CYP3A4: variants seen among roughly 807,000 people sequenced by gnomAD.
CYP3A4 encodes the protein cytochrome P450 3A4.
Under a neutral mutation model 54.9 loss-of-function variants are expected in CYP3A4, and 41 were observed. That is an observed-to-expected ratio of 0.75 (90% CI 0.58 to 0.97). CYP3A4 has a LOEUF of 0.97. Ranked by LOEUF, CYP3A4 falls within the 50% of genes least tolerant of loss-of-function variation. The probability of loss-of-function intolerance (pLI) is 0.00; values close to 1 mark genes in which losing one functional copy is unlikely to be tolerated. For missense variants in CYP3A4, 510 were observed against 597.3 expected (o/e 0.85, Z 1.52); for synonymous variants, 179 against 205.2 (o/e 0.87, Z 1.09).
intron 6 of CYP3A4, chr7:99,769,511 C>G (rs1197188235): frequency 2.1e-6 from 1 of 487,020 alleles, no homozygotes; most frequent in Non-Finnish European, 3.7e-6. Context: ...ATTTAGTCTT[C>G]TAGAATATCC....
Position 99,783,980 on chromosome 7 carries a change from A to G in CYP3A4, c.71+31T>C, listed in dbSNP as rs373014415. Reference sequence around the variant, plus strand: ...TGATTAGCACCCCAAGTCCAAGGAAACAGAGAAGAGGAGCCTGGACAGTTA... The same window carrying G: ...TGATTAGCACCCCAAGTCCAAGGAAGCAGAGAAGAGGAGCCTGGACAGTTA... On this transcript the variant is annotated intron_variant, in intron 1 of 12. Transcript: ENST00000651514. 4.8e-5 allele frequency: 77 copies of G among 1,607,872 alleles called. No individual in the cohort carries two copies. In the Middle Eastern group the frequency reaches 6.6e-4, roughly 14 times the overall value.
chr7:99,780,715 T>G (rs568844003), intron 1 of CYP3A4, among the ~76,000 whole-genome samples: 4 of 152,220 alleles, frequency 2.6e-5, no homozygotes, highest in Non-Finnish European at 5.9e-5. Context: ...GATTGACAAC[T>G]GTGCTCAAGG....
At chr7:99,775,969 C>T (rs948041236) in intron 3 of CYP3A4, among the ~76,000 whole-genome samples, 1 of 152,154 alleles carries the variant, frequency 6.6e-6, no homozygotes, top group African/African-American at 2.4e-5. Flanking sequence ...CATCCAGAAT[C>T]TACAAAGAAC....
chr7:99,765,055 A>T (rs1250089980), intron 9 of CYP3A4, among the ~76,000 whole-genome samples: 1 of 149,654 alleles, frequency 6.7e-6, no homozygotes, highest in African/African-American at 2.5e-5. Context: ...CAGAGCTGTG[A>T]TTTACCAGTG....
intron 3 of CYP3A4, among the ~76,000 whole-genome samples, chr7:99,773,083 C>G (rs1343183610): frequency 6.6e-6 from 1 of 151,940 alleles, no homozygotes; most frequent in East Asian, 1.9e-4. Context: ...CAACAAAGAT[C>G]AAAAGAGACA....
intron 3 of CYP3A4, among the ~76,000 whole-genome samples, chr7:99,774,309 A>G (rs1233620268): frequency 1.3e-5 from 2 of 152,222 alleles, no homozygotes; most frequent in African/African-American, 4.8e-5. Context: ...TCTGAACAAT[A>G]GAAAAGGAGG....
chr7:99,768,320 C>A (rs2687116), intron 7 of CYP3A4, 34 bp downstream of exon 7: 1,493,474 of 1,597,134 alleles, frequency 0.94, 711,087 homozygotes, highest in East Asian at 1. Flanking sequence ...TTTAAGAGAG[C>A]AAGATAAATA....
rs1350243225 is a variant in CYP3A4 at position 99,757,696 on chromosome 7, T to C, written c.*437A>G. The C allele has an allele frequency of 1.2e-5, 2 of 167,174 alleles. No homozygotes were observed. The highest frequency in any genetic ancestry group is 3.2e-4 in the East Asian group (2 of 6,192). 10.4% of individuals were successfully genotyped at this position (167,174 alleles called of 1,614,324 possible). A position where few individuals can be genotyped will look rare whatever the true frequency, so the allele number is the denominator to read the frequency against. On this transcript the variant is annotated 3_prime_UTR_variant, in exon 13 of 13. Transcript: ENST00000651514. ...GATAATACTTTTGTAAAGTGGTCTT[T>C]ATTGATTTAACATAAAACTTATAGA...
chr7:99,772,667 C>G lies in CYP3A4; in HGVS notation c.241G>C (p.Val81Leu), dbSNP rs1156523076. The change falls in exon 4 of 13, where the codon GTG (valine) becomes CTG (leucine). Residue 81 changes from valine to leucine, a missense_variant. By Grantham distance (32) the Val-to-Leu change is conservative. Around this residue, in one of 2 missense-constraint regions of CYP3A4, gnomAD observed 272 missense variants for 274.9 expected, o/e 0.99. Transcript: ENST00000651514. ...VWGFYDGQQP[V>L]LAITDPDMIK... ...ATGTCAGGATCTGTGATAGCCAGCA[C>G]AGGCTGTTGACCATCATAAAAGCTG... 7 of 1,613,366 alleles carry G rather than the reference C, an allele frequency of 4.3e-6. No individual in the cohort carries two copies. Among genetic ancestry groups the G allele is most frequent in the Non-Finnish European group, 5.9e-6 (7 of 1,179,456 alleles).
At chr7:99,769,386 C>T (rs1381378588) in intron 6 of CYP3A4, 3 of 257,246 alleles carry the variant, frequency 1.2e-5, no homozygotes, top group Non-Finnish European at 2.3e-5. Context: ...CATTATAACT[C>T]TCCCAACCTA....
At chr7:99,766,311 A>C in intron 9 of CYP3A4, 66 bp downstream of exon 9, 8 of 1,560,252 alleles carry the variant, frequency 5.1e-6, no homozygotes, top group Non-Finnish European at 7.0e-6. Context: ...TACTTCCTGC[A>C]CATTTTCAGA....
chr7:99,761,952 A>G (rs1815343848), intron 11 of CYP3A4, 89 bp downstream of exon 11: 4 of 1,126,084 alleles, frequency 3.6e-6, no homozygotes, highest in African/African-American at 3.1e-5. Flanking sequence ...TAATTATACA[A>G]CCACATGACT....
intron 4 of CYP3A4, among the ~76,000 whole-genome samples, chr7:99,770,758 A>G (rs1447120209): frequency 6.6e-6 from 1 of 152,228 alleles, no homozygotes; most frequent in Non-Finnish European, 1.5e-5. Flanking sequence ...TTTTGAAGAA[A>G]TAATGCAATT....
At chr7:99,782,386 G>A (rs1307717217) in intron 1 of CYP3A4, among the ~76,000 whole-genome samples, 3 of 152,178 alleles carry the variant, frequency 2.0e-5, no homozygotes, top group African/African-American at 7.2e-5. Flanking sequence ...AGAAAAGCCA[G>A]TCATCTATTG....
At chr7:99,761,475 C>CCCTCCTTCT (rs1554435653) in intron 11 of CYP3A4, among the ~76,000 whole-genome samples, 7 of 152,002 alleles carry the variant, frequency 4.6e-5, no homozygotes, top group Admixed American at 2.0e-4. Flanking sequence ...CTTGTCTTCT[C>CCCTCCTTCT]CCTCCTTCTC....
intron 9 of CYP3A4, among the ~76,000 whole-genome samples, chr7:99,765,760 G>A (rs1409695601): frequency 6.6e-6 from 1 of 152,146 alleles, no homozygotes; most frequent in Non-Finnish European, 1.5e-5. Flanking sequence ...ACTCGTAGGT[G>A]AAACATTGAA....
Position 99,770,122 on chromosome 7 carries a change from C to T in CYP3A4, c.432G>A (p.Glu144=). The T allele has an allele frequency of 6.2e-7, 1 of 1,607,958 alleles. No homozygotes were observed. The highest frequency in any genetic ancestry group is 1.1e-5 in the South Asian group (1 of 90,952). Residue 144 remains glutamate, a splice_region_variant and synonymous_variant, in exon 5 of 13, where the codon GAG becomes GAA. Coordinates refer to ENST00000651514, the MANE Select transcript of CYP3A4 (RefSeq NM_017460.6). ...ATTAAAACTCATGTTATTTTCATAC[C>T]TCCTTGAGTTTTCCACTGGTGAAGG... ...SPTFTSGKLK[E]MVPIIAQYGD...
At chr7:99,769,697 T>C in intron 6 of CYP3A4, 71 bp downstream of exon 6, 7 of 1,582,676 alleles carry the variant, frequency 4.4e-6, no homozygotes, top group Non-Finnish European at 5.2e-6. Context: ...ACAGCAGGAA[T>C]ATCAGCTCCA....
At chr7:99,770,321 A>C (rs1815597578) in intron 4 of CYP3A4, 86 bp from the exon 5 acceptor site, 1 of 1,238,614 alleles carries the variant, frequency 8.1e-7, no homozygotes, top group African/African-American at 1.5e-5. Flanking sequence ...AGGAACACTT[A>C]TTCAACAACT....
Sources: gnomAD v4.1 joint callset for allele counts (sites outside exome capture counted in the v4.1 genomes callset) on GRCh38, gnomAD v4.1.1 for gene constraint, gnomAD v4.1.1 regional missense constraint, MANE v1.5 for transcripts, NCBI Gene and HGNC (gene_info 2026-07-23, HGNC 2026-07-21) for gene names.